Variants in EYA3 observed in about 807,000 individuals in gnomAD.
EYA3 encodes the protein EYA transcriptional coactivator and phosphatase 3, also known as protein phosphatase EYA3.
In EYA3, 39 loss-of-function variants were observed where a neutral mutation model predicts 80.0. The ratio of observed to expected loss-of-function variants is 0.49; its 90% CI spans 0.38 to 0.64. The LOEUF is 0.64. EYA3 is among the 30% of genes least tolerant of loss of function. The pLI, the probability that EYA3 is intolerant of heterozygous loss-of-function variation, is 0.00. For synonymous variants in EYA3, 206 were observed against 232.8 expected (o/e 0.88, Z 1.05); for missense variants, 523 against 676.1 (o/e 0.77, Z 2.51).
intron 1 of EYA3, among the ~76,000 whole-genome samples, chr1:28,059,715 A>ATTTT (rs1224157714): frequency 2.6e-5 from 3 of 113,614 alleles, no homozygotes; most frequent in Admixed American, 9.8e-5. Flanking sequence ...CATTTGTTGG[A>ATTTT]TTTTTTTTTT....
chr1:28,063,847 A>C (rs1281009034), intron 1 of EYA3, among the ~76,000 whole-genome samples: 1 of 152,180 alleles, frequency 6.6e-6, no homozygotes, highest in African/African-American at 2.4e-5. Context: ...TTTCATTTTT[A>C]TCTTATTGAT....
chr1:28,060,420 CATT>C (rs772045584), intron 1 of EYA3, among the ~76,000 whole-genome samples: 3 of 151,954 alleles, frequency 2.0e-5, no homozygotes, highest in Non-Finnish European at 4.4e-5. Flanking sequence ...AACATAGAAA[CATT>C]AGTATAAATG....
Position 28,073,454 on chromosome 1 carries a change from T to C in EYA3, c.-69+15070A>G, listed in dbSNP as rs543273596. ...CTGGGATTACAGGCATGTGCCACCA[T>C]GCCTGGCTAATTTTTTTGTATTTTT... On this transcript the variant is annotated intron_variant, in intron 1 of 17. Transcript: ENST00000373871. Among the ~76,000 whole-genome samples, 7 of 151,568 alleles carry C rather than the reference T, an allele frequency of 4.6e-5. No individual in the cohort carries two copies. The East Asian group carries it at 1.4e-3, about 30-fold the overall frequency.
At chr1:28,004,023 A>C (rs953422799) in intron 11 of EYA3, among the ~76,000 whole-genome samples, 1 of 152,202 alleles carries the variant, frequency 6.6e-6, no homozygotes, top group Non-Finnish European at 1.5e-5. Flanking sequence ...GAATTTATTA[A>C]TATAATCTTG....
At chr1:28,065,615 T>G (rs989760441) in intron 1 of EYA3, among the ~76,000 whole-genome samples, 1 of 152,060 alleles carries the variant, frequency 6.6e-6, no homozygotes, top group Non-Finnish European at 1.5e-5. Flanking sequence ...CCTTATTTAG[T>G]GGAGAACTTT....
intron 10 of EYA3, chr1:28,010,687 T>G (rs1045632360): frequency 1.1e-5 from 4 of 368,148 alleles, no homozygotes; most frequent in African/African-American, 2.1e-5. Context: ...AAATTTTAAA[T>G]AGAGAACAGT....
intron 6 of EYA3, 128 bp from the exon 7 acceptor site, chr1:28,028,054 GA>G (rs1642893098): frequency 1.0e-6 from 1 of 978,564 alleles, no homozygotes; most frequent in East Asian, 2.5e-5. Context: ...GCTTGTAAGA[GA>G]AAATTATTGA....
chr1:28,066,720 A>G (rs1254113928), intron 1 of EYA3, among the ~76,000 whole-genome samples: 1 of 152,188 alleles, frequency 6.6e-6, no homozygotes, highest in African/African-American at 2.4e-5. Flanking sequence ...TGCAATGAAA[A>G]AAACAAATCT....
intron 14 of EYA3, 134 bp from the exon 15 acceptor site, chr1:27,989,945 TATAC>T: frequency 9.4e-6 from 4 of 426,766 alleles, no homozygotes; most frequent in Non-Finnish European, 1.3e-5. Context: ...TATATATATA[TATAC>T]ATATACGTAT....
intron 14 of EYA3, among the ~76,000 whole-genome samples, chr1:27,991,280 C>A (rs1640044844): frequency 6.6e-6 from 1 of 152,142 alleles, no homozygotes; most frequent in Admixed American, 6.6e-5. Flanking sequence ...TTCCACTACT[C>A]CACAGAACTT....
chr1:28,081,442 TAAATTTAAAAGAG>T (rs1645425349), intron 1 of EYA3, among the ~76,000 whole-genome samples: 1 of 152,208 alleles, frequency 6.6e-6, no homozygotes, highest in Admixed American at 6.5e-5. Context: ...TTGACATTTT[TAAATTTAAAAGAG>T]AAAAATTCAG....
intron 1 of EYA3, among the ~76,000 whole-genome samples, chr1:28,080,875 C>A (rs1348025419): frequency 6.6e-6 from 1 of 151,972 alleles, no homozygotes; most frequent in Non-Finnish European, 1.5e-5. Context: ...CTCAGCCTCC[C>A]AAGTAGCTGG....
At chr1:28,083,932 G>A (rs1436443776) in intron 1 of EYA3, among the ~76,000 whole-genome samples, 1 of 152,140 alleles carries the variant, frequency 6.6e-6, no homozygotes, top group Non-Finnish European at 1.5e-5. Context: ...TGAAATAAAT[G>A]TATTACAAAG....
intron 15 of EYA3, among the ~76,000 whole-genome samples, chr1:27,989,417 A>G (rs1228362670): frequency 2.6e-5 from 4 of 152,202 alleles, no homozygotes; most frequent in Admixed American, 2.6e-4. Flanking sequence ...ACCAGGTCCA[A>G]CTTATGGACA....
chr1:27,982,005 ATTTTTT>A (rs553550162), intron 16 of EYA3, among the ~76,000 whole-genome samples: 3 of 133,222 alleles, frequency 2.3e-5, no homozygotes, highest in Non-Finnish European at 3.2e-5. Context: ...CACCTGGCTA[ATTTTTT>A]TTTTTTTTTT....
chr1:28,027,160 A>G (rs1342431197), intron 7 of EYA3, among the ~76,000 whole-genome samples: 3 of 152,188 alleles, frequency 2.0e-5, no homozygotes, highest in African/African-American at 7.2e-5. Context: ...CTGGATTTGG[A>G]AGAATAGGCA....
chr1:28,041,222 G>C (rs1167513826), intron 4 of EYA3, among the ~76,000 whole-genome samples: 3 of 152,112 alleles, frequency 2.0e-5, no homozygotes, highest in African/African-American at 7.2e-5. Context: ...AAATTAGCCA[G>C]GCGTGATGGT....
intron 1 of EYA3, among the ~76,000 whole-genome samples, chr1:28,064,294 G>C (rs890026436): frequency 4.0e-5 from 6 of 151,818 alleles, no homozygotes; most frequent in Non-Finnish European, 8.8e-5. Flanking sequence ...TCATGTGACA[G>C]ATGTTTAAGA....
intron 5 of EYA3, among the ~76,000 whole-genome samples, chr1:28,037,105 T>C (rs2148849795): frequency 6.6e-6 from 1 of 152,244 alleles, no homozygotes; most frequent in African/African-American, 2.4e-5. Flanking sequence ...AAAAGGCAAA[T>C]CTGAAACTGA....
Sources: allele counts gnomAD v4.1 joint callset (sites outside exome capture counted in the v4.1 genomes callset), GRCh38; gene constraint gnomAD v4.1.1; transcripts MANE v1.5; gene names NCBI Gene and HGNC (gene_info 2026-07-23, HGNC 2026-07-21).